The following GNPAT variants were observed in gnomAD, a reference collection of about 807,000 sequenced individuals.
GNPAT encodes dihydroxyacetone phosphate acyltransferase.
In GNPAT, 30 loss-of-function variants were observed where a neutral mutation model predicts 78.4. The observed-to-expected ratio is 0.38, with a 90% CI of 0.29 to 0.52. The LOEUF is 0.52. GNPAT is among the 20% of genes least tolerant of loss of function. The pLI is 0.84. For missense variants in GNPAT, 714 were observed against 812.2 expected, an observed-to-expected ratio of 0.88 and a Z score of 1.47; for synonymous variants, 271 against 281.1, an observed-to-expected ratio of 0.96 and a Z score of 0.36.
At chr1:231,248,859 G>A (rs1684818888) in intron 1 of GNPAT, among the ~76,000 whole-genome samples, 1 of 152,144 alleles carries the variant, frequency 6.6e-6, no homozygotes, top group Non-Finnish European at 1.5e-5. Context: ...TGTAGCCTAG[G>A]AGCAATAGGC....
chr1:231,255,291 C>T (rs541584506), intron 2 of GNPAT, among the ~76,000 whole-genome samples: 2 of 152,254 alleles, frequency 1.3e-5, no homozygotes, highest in African/African-American at 4.8e-5. Flanking sequence ...TTTATTAGCT[C>T]TTCTCCCATC....
intron 14 of GNPAT, among the ~76,000 whole-genome samples, chr1:231,275,884 T>C (rs1685699924): frequency 6.6e-6 from 1 of 152,180 alleles, no homozygotes; most frequent in African/African-American, 2.4e-5. Flanking sequence ...TGTATGTTCT[T>C]CTAAGTGGTT....
intron 2 of GNPAT, among the ~76,000 whole-genome samples, chr1:231,254,477 T>A (rs1684986989): frequency 6.6e-6 from 1 of 152,046 alleles, no homozygotes; most frequent in South Asian, 2.1e-4. Context: ...AGTCTCGCTC[T>A]GTCACCCAGG....
chr1:231,250,123 A>G (rs1311906260), intron 1 of GNPAT, among the ~76,000 whole-genome samples: 1 of 150,194 alleles, frequency 6.7e-6, no homozygotes, highest in Non-Finnish European at 1.5e-5. Context: ...TTTTGTAGAG[A>G]TGGGGTCTTG....
chr1:231,245,934 A>G lies in GNPAT; in HGVS notation c.78+4478A>G, dbSNP rs971176755. On this transcript the variant is annotated intron_variant, in intron 1 of 15. Coordinates refer to ENST00000366647, the MANE Select transcript of GNPAT (RefSeq NM_014236.4). Reference sequence around the variant, plus strand: ...CAGTGAGCCGAGATTGCGCCATTGCACTCCAGCCTGGGCAACAAGAGTGAA... The same window carrying G: ...CAGTGAGCCGAGATTGCGCCATTGCGCTCCAGCCTGGGCAACAAGAGTGAA... Among the ~76,000 whole-genome samples the G allele has an allele frequency of 2.0e-5, 3 of 152,166 alleles. No individual in the cohort carries two copies. The Middle Eastern group carries it at 0.01, about 518-fold the overall frequency.
chr1:231,276,479 A>C (rs1186030519), intron 15 of GNPAT, among the ~76,000 whole-genome samples: 1 of 152,208 alleles, frequency 6.6e-6, no homozygotes, highest in East Asian at 1.9e-4. Flanking sequence ...GACCCTTCAC[A>C]TCCTTGCCTC....
intron 3 of GNPAT, among the ~76,000 whole-genome samples, chr1:231,260,891 T>C (rs1685206181): frequency 6.6e-6 from 1 of 152,202 alleles, no homozygotes; most frequent in East Asian, 1.9e-4. Flanking sequence ...TCTGTTTTTT[T>C]GTTTCCTTTT....
intron 9 of GNPAT, among the ~76,000 whole-genome samples, chr1:231,268,734 C>T (rs1232108917): frequency 2.6e-5 from 4 of 151,516 alleles, no homozygotes; most frequent in African/African-American, 7.3e-5. Context: ...GGTGAAACTC[C>T]GTCTCTACTA....
Position 231,241,306 on chromosome 1 carries a change from A to G in GNPAT, c.-73A>G. 7 of 1,437,794 alleles carry G rather than the reference A, an allele frequency of 4.9e-6. No individual in the cohort carries two copies. The highest frequency in any genetic ancestry group is 6.9e-6 in the Non-Finnish European group (7 of 1,019,080). 89.1% of individuals were successfully genotyped at this position (1,437,794 alleles called of 1,614,324 possible). A position where few individuals can be genotyped will look rare whatever the true frequency, so the allele number is the denominator to read the frequency against. On this transcript the variant is annotated 5_prime_UTR_variant, in exon 1 of 16. Transcript: ENST00000366647. ...GAAGTAGGGCCGTCCTGAGCGAAAG[A>G]ACCGCCCCCAGCAGGAGCACCACCA...
chr1:231,277,125 T>C (rs980693405), intron 15 of GNPAT, among the ~76,000 whole-genome samples: 7 of 152,216 alleles, frequency 4.6e-5, no homozygotes, highest in Non-Finnish European at 7.3e-5. Context: ...CAGTCTTCTA[T>C]TTATATCGTG....
rs143388851 is a variant in GNPAT at position 231,241,443 on chromosome 1, T to C, written c.65T>C (p.Val22Ala). 282 of 1,612,528 alleles carry C rather than the reference T, an allele frequency of 1.7e-4. No homozygotes were observed. In the African/African-American group the frequency reaches 3.3e-3, roughly 19 times the overall value. ...GGCCCAACCAGTCCCAGCGCTGTCG[T>C]GCTCCTCTACTCGGTAGGCGCCCAG... Reference protein sequence around the residue: ...SVGPTSPSAVVLLYSKELKKW... With the variant: ...SVGPTSPSAVALLYSKELKKW... The change falls in exon 1 of 16, where the codon GTG becomes GCG. Residue 22 changes from valine (V) to alanine (A), a missense_variant. Val to Ala is a moderately conservative substitution (Grantham distance 64). Transcript: ENST00000366647.
chr1:231,277,103 A>G (rs1685739018), intron 15 of GNPAT, among the ~76,000 whole-genome samples: 1 of 152,196 alleles, frequency 6.6e-6, no homozygotes, highest in African/African-American at 2.4e-5. Context: ...AAAAATATGT[A>G]GGTCGAAATC....
intron 14 of GNPAT, 84 bp downstream of exon 14, chr1:231,275,582 A>G (rs1685689938): frequency 1.2e-6 from 1 of 825,040 alleles, no homozygotes; most frequent in East Asian, 2.4e-5. Flanking sequence ...GAGACATAGA[A>G]ATGGATGATC....
chr1:231,253,458 G>A (rs1412064783), intron 2 of GNPAT, among the ~76,000 whole-genome samples: 4 of 152,358 alleles, frequency 2.6e-5, no homozygotes, highest in African/African-American at 9.6e-5. Context: ...AGGCTGGCCT[G>A]TAGAGATCTT....
At chr1:231,251,550 T>G (rs1684898957) in intron 2 of GNPAT, among the ~76,000 whole-genome samples, 1 of 152,118 alleles carries the variant, frequency 6.6e-6, no homozygotes, top group Non-Finnish European at 1.5e-5. Context: ...ACAAATAACT[T>G]ATTCCTGTGG....
chr1:231,253,330 C>T (rs1684952887), intron 2 of GNPAT, among the ~76,000 whole-genome samples: 1 of 152,222 alleles, frequency 6.6e-6, no homozygotes, highest in Admixed American at 6.5e-5. Flanking sequence ...CCCCAGACTT[C>T]AAGTTATACC....
In GNPAT at chr1:231,241,391, A is replaced by G; in HGVS notation, c.13A>G (p.Ser5Gly). The part of the protein sequence containing the change: MESS[S>G]SSNSYFSVGP... ...AGGCAGCCGCACCATGGAGTCTTCC[A>G]GTTCATCTAACTCTTATTTCTCCGT... Residue 5 changes from serine to glycine, a missense_variant, in exon 1 of 16, where the codon AGT becomes GGT. Physicochemically the swap from Ser to Gly is moderately conservative, Grantham distance 56. Coordinates refer to ENST00000366647, the MANE Select transcript of GNPAT (RefSeq NM_014236.4). 1 of 1,613,530 alleles carries G rather than the reference A, an allele frequency of 6.2e-7. No individual in the cohort carries two copies. Among genetic ancestry groups the G allele is most frequent in the Non-Finnish European group, 8.5e-7 (1 of 1,179,426 alleles).
At position 231,265,694 on chromosome 1, in the gene GNPAT, T is replaced by C; in HGVS notation, c.697-18T>C. On this transcript the variant is annotated intron_variant, in intron 5 of 15. Coordinates refer to ENST00000366647, the MANE Select transcript of GNPAT (RefSeq NM_014236.4). The stretch of plus-strand genomic sequence containing the variant: ...AGTAGGCAATGGGTTTTGTGTTTTG[T>C]TTGTTTTCTCTTTAAAGAATGGTTA... 1 of 1,500,224 alleles carries C rather than the reference T, an allele frequency of 6.7e-7. No homozygotes were observed. Among genetic ancestry groups the C allele is most frequent in the South Asian group, 1.1e-5 (1 of 88,748 alleles). The allele number at this position is 1,500,224 out of a possible 1,614,324, so 92.9% of individuals were successfully genotyped here.
chr1:231,277,051 T>A (rs1685737346), intron 15 of GNPAT, among the ~76,000 whole-genome samples: 1 of 152,142 alleles, frequency 6.6e-6, no homozygotes, highest in East Asian at 1.9e-4. Flanking sequence ...AGTGGGGTAG[T>A]TGTTGCATAT....
Sources: allele counts gnomAD v4.1 joint callset (sites outside exome capture counted in the v4.1 genomes callset), GRCh38; gene constraint gnomAD v4.1.1; transcripts MANE v1.5; gene names NCBI Gene and HGNC (gene_info 2026-07-23, HGNC 2026-07-21).